Variants in MYOF observed in about 807,000 individuals in gnomAD.
The protein encoded by MYOF is fer-1-like 3, myoferlin.
MYOF carries 244 observed loss-of-function variants against 284.2 expected under a neutral mutation model. The observed-to-expected ratio is 0.86, with a 90% confidence interval of 0.77 to 0.95. The LOEUF is 0.95. MYOF is among the 40% of genes least tolerant of loss of function. MYOF has a pLI of 0.00. For synonymous variants in MYOF, 904 were observed against 919.7 expected (o/e 0.98, Z 0.31); for missense variants, 2,496 against 2,560.6 (o/e 0.97, Z 0.54).
intron 15 of MYOF, 103 bp downstream of exon 15, chr10:93,397,144 G>T: frequency 9.6e-7 from 1 of 1,047,102 alleles, no homozygotes; most frequent in South Asian, 1.7e-5. Flanking sequence ...CCTCTCCTCT[G>T]GAAGGAAAGC....
intron 26 of MYOF, among the ~76,000 whole-genome samples, chr10:93,364,900 G>A (rs1259159746): frequency 6.6e-6 from 1 of 152,094 alleles, no homozygotes; most frequent in Non-Finnish European, 1.5e-5. Context: ...TGGGCATCAC[G>A]TCTCTGGGCC....
At chr10:93,338,361 G>C in intron 39 of MYOF, 1 of 456,860 alleles carries the variant, frequency 2.2e-6, no homozygotes, top group South Asian at 1.5e-5. Context: ...TGGAAAAACT[G>C]GTTTTAATTC....
intron 3 of MYOF, among the ~76,000 whole-genome samples, chr10:93,437,122 G>T (rs566365128): frequency 1.0e-3 from 157 of 152,282 alleles, no homozygotes; most frequent in Admixed American, 4.6e-3. Context: ...TTGGAGTCGA[G>T]TCTCTATGTG....
At chr10:93,369,514 G>A (rs894993419) in intron 25 of MYOF, 131 bp downstream of exon 25, 1 of 1,305,504 alleles carries the variant, frequency 7.7e-7, no homozygotes, top group African/African-American at 1.5e-5. Context: ...AGATCCCTTC[G>A]ATGGGATTTT....
At chr10:93,308,892 AG>A (rs1243932906) in intron 53 of MYOF, among the ~76,000 whole-genome samples, 2 of 152,042 alleles carry the variant, frequency 1.3e-5, no homozygotes, top group African/African-American at 4.8e-5. Context: ...TTGTATTTTT[AG>A]TAGAGACGGG....
intron 1 of MYOF, among the ~76,000 whole-genome samples, chr10:93,473,701 C>A (rs1258574097): frequency 6.6e-6 from 1 of 152,160 alleles, no homozygotes; most frequent in Admixed American, 6.5e-5. Context: ...TTTCCTTGAG[C>A]ACGCTGAAGT....
At chr10:93,430,853 CG>C (rs1848811041) in intron 4 of MYOF, among the ~76,000 whole-genome samples, 1 of 151,996 alleles carries the variant, frequency 6.6e-6, no homozygotes, top group South Asian at 2.1e-4. Context: ...CGTTTGCAAA[CG>C]GGCCCAGTTT....
At chr10:93,356,971 A>G in intron 29 of MYOF, 123 bp from the exon 30 acceptor site, 2 of 1,019,000 alleles carry the variant, frequency 2.0e-6, no homozygotes, top group Non-Finnish European at 2.8e-6. Context: ...TGTGCCAAGT[A>G]CTGAGCTAGA....
chr10:93,397,138 T>C, intron 15 of MYOF, 109 bp downstream of exon 15: 2 of 907,116 alleles, frequency 2.2e-6, no homozygotes. Context: ...ATTTATCCTC[T>C]CCTCTGGAAG....
chr10:93,330,434 T>C (rs1301143688), intron 43 of MYOF, among the ~76,000 whole-genome samples: 1 of 152,118 alleles, frequency 6.6e-6, no homozygotes, highest in Non-Finnish European at 1.5e-5. Flanking sequence ...TGGAACATCT[T>C]TGACTCACCC....
intron 5 of MYOF, among the ~76,000 whole-genome samples, chr10:93,410,389 G>A (rs911349818): frequency 2.8e-4 from 43 of 152,064 alleles, no homozygotes; most frequent in African/African-American, 1.0e-3. Flanking sequence ...GCTCAGCAGA[G>A]TGAAAATCTC....
At position 93,388,879 on chromosome 10, in the gene MYOF, T is replaced by A. The variant is rs866612800; in HGVS notation, c.1581+151A>T. On this transcript the variant is annotated intron_variant, in intron 18 of 53. Coordinates refer to ENST00000359263, the MANE Select transcript of MYOF (RefSeq NM_013451.4). ...CCATTGGCCATTGGCCATCCCCCAG[T>A]GAGATGATCTCCACAGTCTTTTCCT... 4.3e-5 allele frequency: 44 copies of A among 1,016,024 alleles called. No individual in the cohort carries two copies. The African/African-American group carries it at 6.3e-4, about 15-fold the overall frequency. The allele number at this position is 1,016,024 out of a possible 1,614,324, so 62.9% of individuals were successfully genotyped here.
intron 10 of MYOF, 86 bp downstream of exon 10, chr10:93,402,774 C>T (rs1847361954): frequency 1.6e-6 from 2 of 1,287,494 alleles, no homozygotes; most frequent in Non-Finnish European, 1.1e-6. Context: ...TTGATCCCCC[C>T]CAAATTGTCT....
chr10:93,409,864 A>AC, intron 5 of MYOF, 125 bp from the exon 6 acceptor site: 3 of 1,182,360 alleles, frequency 2.5e-6, no homozygotes, highest in Admixed American at 4.5e-5. Flanking sequence ...TGGCAGGTGA[A>AC]GGAGATCCTC....
chr10:93,370,261 T>C (rs1215622664), intron 24 of MYOF, among the ~76,000 whole-genome samples: 1 of 150,934 alleles, frequency 6.6e-6, no homozygotes, highest in Non-Finnish European at 1.5e-5. Context: ...CCTTTTTATG[T>C]GCAAAAACAT....
intron 5 of MYOF, among the ~76,000 whole-genome samples, chr10:93,422,458 A>C (rs888717667): frequency 6.6e-6 from 1 of 152,226 alleles, no homozygotes; most frequent in African/African-American, 2.4e-5. Flanking sequence ...GGAAAGGAGA[A>C]GGAGCCTTGG....
chr10:93,442,805 T>G (rs1044222048), intron 3 of MYOF, among the ~76,000 whole-genome samples: 1 of 152,214 alleles, frequency 6.6e-6, no homozygotes, highest in South Asian at 2.1e-4. Flanking sequence ...TTAAATTATC[T>G]TCCATGTCCC....
At chr10:93,411,299 G>A (rs990700619) in intron 5 of MYOF, among the ~76,000 whole-genome samples, 5 of 152,174 alleles carry the variant, frequency 3.3e-5, no homozygotes, top group Non-Finnish European at 5.9e-5. Context: ...TCAGTGTCTG[G>A]TGAGGGCCCA....
intron 1 of MYOF, among the ~76,000 whole-genome samples, chr10:93,471,293 C>T (rs2057140462): frequency 7.0e-6 from 1 of 141,972 alleles, no homozygotes; most frequent in African/African-American, 2.6e-5. Context: ...AAACTCACCC[C>T]AGGGGGGATG....
Sources: gnomAD v4.1 joint callset for allele counts (sites outside exome capture counted in the v4.1 genomes callset) on GRCh38, gnomAD v4.1.1 for gene constraint, MANE v1.5 for transcripts, NCBI Gene and HGNC (gene_info 2026-07-23, HGNC 2026-07-21) for gene names.